The following RAB36 variants were observed in gnomAD, a reference collection of about 807,000 sequenced individuals.
RAB36 encodes the protein ras-related protein Rab-36.
In RAB36, 33 loss-of-function variants were observed where a neutral mutation model predicts 39.3. That is an observed-to-expected ratio of 0.84 (90% CI 0.64 to 1.12). The LOEUF is 1.12. Among genes scored for constraint, RAB36 ranks in the 50% most tolerant of loss-of-function variants. The pLI, the probability that RAB36 is intolerant of heterozygous loss-of-function variation, is 0.00. For missense variants in RAB36, 308 were observed against 355.3 expected (o/e 0.87, Z 1.07); for synonymous variants, 133 against 140.2 (o/e 0.95, Z 0.36).
chr22:23,152,432 C>T lies in RAB36; in HGVS notation c.162-29C>T, dbSNP rs115163129. 9.5e-4 allele frequency: 1,533 copies of T among 1,613,376 alleles called. 12 individuals are homozygous for T. The African/African-American group carries it at 0.018, about 19-fold the overall frequency. ...CTGAAGACACCCTGGAAGGCATGCC[C>T]GACGGCAACACGGCCATATTTCTCA... On this transcript the variant is annotated intron_variant, in intron 3 of 10. Transcript: ENST00000263116.
At chr22:23,148,157 T>C (rs1377992751) in intron 2 of RAB36, among the ~76,000 whole-genome samples, 1 of 151,950 alleles carries the variant, frequency 6.6e-6, no homozygotes, top group Non-Finnish European at 1.5e-5. Context: ...TCTTCCTCCT[T>C]CCCCCTTCTT....
Position 23,162,514 on chromosome 22 carries a change from C to T in RAB36, c.*950C>T. 2.4e-6 allele frequency: 1 copy of T among 411,050 alleles called. No individual in the cohort carries two copies. The highest frequency in any genetic ancestry group is 1.8e-5 in the South Asian group (1 of 56,258). The allele number at this position is 411,050 out of a possible 1,614,324, so 25.5% of individuals were successfully genotyped here. A position where few individuals can be genotyped will look rare whatever the true frequency, so the allele number is the denominator to read the frequency against. On this transcript the variant is annotated 3_prime_UTR_variant, in exon 11 of 11. Transcript: ENST00000263116. The stretch of plus-strand genomic sequence containing the variant: ...ATGGTGTCCATGCACCTTTAGAGGA[C>T]TTCAGAGGCCCTGCCAAGTCTAGCA...
intron 1 of RAB36, 99 bp downstream of exon 1, chr22:23,145,650 A>T (rs762474645): frequency 1.6e-5 from 21 of 1,319,836 alleles, no homozygotes; most frequent in Non-Finnish European, 2.1e-5. Flanking sequence ...GTCCGCGCCC[A>T]CTTCCCGCCC....
intron 9 of RAB36, 80 bp downstream of exon 9, chr22:23,159,333 T>A: frequency 7.5e-7 from 1 of 1,338,792 alleles, no homozygotes; most frequent in South Asian, 1.4e-5. Flanking sequence ...CATGCAGTGT[T>A]TCCCTCTGTA....
At chr22:23,167,427 T>G (rs1014759066), downstream of RAB36, among the ~76,000 whole-genome samples, 2 of 152,120 alleles carry the variant, frequency 1.3e-5, no homozygotes, top group Non-Finnish European at 2.9e-5. Flanking sequence ...TCAGCATCTT[T>G]CAACCCTGTC....
At chr22:23,159,318 C>A (rs537573192) in intron 9 of RAB36, 65 bp downstream of exon 9, 43 of 1,435,624 alleles carry the variant, frequency 3.0e-5, no homozygotes, top group African/African-American at 2.5e-4. Flanking sequence ...TCCTGTGGGG[C>A]CTGCCATGCA....
In RAB36 at chr22:23,165,513, G is replaced by C. The variant is rs578169244; in HGVS notation, c.*3949G>C. ...TTCAGGGCAGAACTGAACAGGTCTC[G>C]GGAAGGACACTTCATGCCAGCTAGA... On this transcript the variant is annotated 3_prime_UTR_variant, in exon 11 of 11. Coordinates refer to ENST00000263116, the MANE Select transcript of RAB36 (RefSeq NM_004914.5). Among the ~76,000 whole-genome samples the C allele has an allele frequency of 6.6e-6, 1 of 152,204 alleles. No individual in the cohort carries two copies. Among genetic ancestry groups the C allele is most frequent in the Non-Finnish European group, 1.5e-5 (1 of 68,046 alleles).
downstream of RAB36, among the ~76,000 whole-genome samples, chr22:23,167,711 A>AT (rs528853125): frequency 1.9e-4 from 28 of 145,744 alleles, no homozygotes; most frequent in African/African-American, 2.4e-4. Context: ...TAATTAATTT[A>AT]TTTTTTTTTT....
intron 7 of RAB36, among the ~76,000 whole-genome samples, chr22:23,158,431 C>T (rs2071583286): frequency 6.6e-6 from 1 of 152,224 alleles, no homozygotes; most frequent in African/African-American, 2.4e-5. Flanking sequence ...ATGAATTTGG[C>T]ACTTGCAGTC....
Position 23,153,202 on chromosome 22 carries a change from G to A in RAB36, c.329+68G>A. On this transcript the variant is annotated intron_variant, in intron 5 of 10. Coordinates refer to ENST00000263116, the MANE Select transcript of RAB36 (RefSeq NM_004914.5). ...AGGCACCTGAGAAAGGATTTGGGGA[G>A]CTCCTTCACTGTGTCCATGTCAAGG... 1.7e-6 allele frequency: 2 copies of A among 1,195,630 alleles called. 1 individual carries two copies. The highest frequency in any genetic ancestry group is 2.4e-5 in the South Asian group (2 of 82,020). 74.1% of individuals were successfully genotyped at this position (1,195,630 alleles called of 1,614,324 possible).
intron 5 of RAB36, 112 bp from the exon 6 acceptor site, chr22:23,155,856 G>A: frequency 1.1e-6 from 1 of 919,294 alleles, no homozygotes; most frequent in Non-Finnish European, 1.6e-6. Context: ...AGCCCATGCA[G>A]CTGGCACAGG....
intron 10 of RAB36, 83 bp downstream of exon 10, chr22:23,161,081 C>A: frequency 6.8e-7 from 1 of 1,468,118 alleles, no homozygotes; most frequent in South Asian, 1.3e-5. Flanking sequence ...CACCTGAGGC[C>A]TTGCCATTTC....
At position 23,158,654 on chromosome 22, in the gene RAB36, G is replaced by C. The variant is rs538645092; in HGVS notation, c.447-244G>C. Among the ~76,000 whole-genome samples the C allele has an allele frequency of 7.2e-5, 11 of 152,340 alleles. No homozygotes were observed. In the South Asian group the frequency reaches 2.1e-3, roughly 29 times the overall value. ...CAAGGTCTCACCGGGAGAGGCCAGA[G>C]GTGGGGCCAGGAGGGGTCTTCACCA... is the stretch of plus-strand genomic sequence containing the variant. On this transcript the variant is annotated intron_variant, in intron 7 of 10. Coordinates refer to ENST00000263116, the MANE Select transcript of RAB36 (RefSeq NM_004914.5).
chr22:23,167,710 TA>T (rs200202283), downstream of RAB36, among the ~76,000 whole-genome samples: 17 of 151,882 alleles, frequency 1.1e-4, 1 homozygote, highest in African/African-American at 3.9e-4. Context: ...TTAATTAATT[TA>T]TTTTTTTTTT....
At chr22:23,148,016 T>C (rs920817131) in intron 2 of RAB36, among the ~76,000 whole-genome samples, 3 of 152,134 alleles carry the variant, frequency 2.0e-5, no homozygotes, top group Non-Finnish European at 4.4e-5. Context: ...TGGTTGCCTC[T>C]GTGGCTTCGG....
intron 6 of RAB36, 142 bp downstream of exon 6, chr22:23,156,174 T>C (rs2071442386): frequency 7.5e-6 from 4 of 533,824 alleles, no homozygotes; most frequent in African/African-American, 6.0e-5. Context: ...AGGCCACTGC[T>C]TGGGAACAGG....
intron 2 of RAB36, among the ~76,000 whole-genome samples, chr22:23,147,916 G>A (rs1002248420): frequency 5.9e-5 from 9 of 152,190 alleles, no homozygotes; most frequent in South Asian, 2.1e-4. Context: ...AGCACACTCC[G>A]GTGTGTGAAA....
intron 7 of RAB36, 86 bp from the exon 8 acceptor site, chr22:23,158,812 C>T: frequency 8.3e-7 from 1 of 1,205,218 alleles, no homozygotes; most frequent in East Asian, 2.4e-5. Context: ...GCACTTCAGC[C>T]CTGGGGAGGT....
chr22:23,162,545 C>G lies in RAB36; in HGVS notation c.*981C>G, dbSNP rs989891171. On this transcript the variant is annotated 3_prime_UTR_variant, in exon 11 of 11. Coordinates refer to ENST00000263116, the MANE Select transcript of RAB36 (RefSeq NM_004914.5). ...AGGCCCTGCCAAGTCTAGCATGTTC[C>G]TGTCTCCAACACCGCCTCCTGCACA... 16 of 435,352 alleles carry G rather than the reference C, an allele frequency of 3.7e-5. No homozygotes were observed. The highest frequency in any genetic ancestry group is 7.5e-5 in the Non-Finnish European group (16 of 213,416). The allele number at this position is 435,352 out of a possible 1,614,324, so 27.0% of individuals were successfully genotyped here.
Sources: gnomAD v4.1 joint callset for allele counts (sites outside exome capture counted in the v4.1 genomes callset) on GRCh38, gnomAD v4.1.1 for gene constraint, MANE v1.5 for transcripts, NCBI Gene and HGNC (gene_info 2026-07-23, HGNC 2026-07-21) for gene names.